Variants in ZER1 observed in about 807,000 individuals in gnomAD.
The protein encoded by ZER1 is zyg-11 related cell cycle regulator, also known as protein zer-1 homolog.
In ZER1, 11 loss-of-function variants were observed where a neutral mutation model predicts 78.8. The observed-to-expected ratio is 0.14, with a 90% CI of 0.09 to 0.23. The LOEUF is 0.23. ZER1 is among the 10% of genes least tolerant of loss of function. The pLI, the probability that ZER1 is intolerant of heterozygous loss-of-function variation, is 1.00. For synonymous variants in ZER1, 400 were observed against 407.0 expected (o/e 0.98, Z 0.21); for missense variants, 588 against 996.9 (o/e 0.59, Z 5.52).
chr9:128,743,207 T>C (rs555272606), intron 8 of ZER1, among the ~76,000 whole-genome samples: 1 of 151,806 alleles, frequency 6.6e-6, no homozygotes, highest in Non-Finnish European at 1.5e-5. Context: ...AACCTTCACC[T>C]CCCTGGTTCA....
intron 1 of ZER1, among the ~76,000 whole-genome samples, chr9:128,757,066 G>T (rs1330854449): frequency 6.6e-6 from 1 of 152,164 alleles, no homozygotes; most frequent in Non-Finnish European, 1.5e-5. Flanking sequence ...AAATTAATTT[G>T]AGATAGATGA....
chr9:128,743,431 A>T (rs532598186), intron 8 of ZER1, among the ~76,000 whole-genome samples: 4 of 150,876 alleles, frequency 2.7e-5, no homozygotes, highest in East Asian at 3.9e-4. Flanking sequence ...TTATTTATTT[A>T]TTTTTTTTGA....
chr9:128,750,592 G>T, intron 8 of ZER1, 24 bp downstream of exon 8: 1 of 1,610,236 alleles, frequency 6.2e-7, no homozygotes, highest in Non-Finnish European at 8.5e-7. Context: ...AGAGCATGCG[G>T]GGCCGTGGCG....
intron 1 of ZER1, among the ~76,000 whole-genome samples, chr9:128,771,116 G>C (rs530183437): frequency 7.2e-5 from 11 of 152,220 alleles, no homozygotes; most frequent in Non-Finnish European, 1.6e-4. Flanking sequence ...TCCACCCAGA[G>C]AGCTATAGTG....
chr9:128,735,377 C>T lies in ZER1; in HGVS notation c.2097G>A (p.Gln699=), dbSNP rs568304181. 1.9e-6 allele frequency: 3 copies of T among 1,614,114 alleles called. No individual in the cohort carries two copies. In the African/African-American group the frequency reaches 4.0e-5, roughly 22 times the overall value. ...TATACAGGGCCCAGGTTGCCCAGTG[C>T]TGGCTGACAGGAGAGATTCCCTGGG... is the stretch of plus-strand genomic sequence containing the variant. The part of the protein sequence containing the change: ...LLPQGISPVS[Q]HWATWALYNL... Residue 699 remains glutamine, a synonymous_variant, in exon 14 of 16, where the codon CAG becomes CAA. Coordinates refer to ENST00000291900, the MANE Select transcript of ZER1 (RefSeq NM_006336.4).
In ZER1 at chr9:128,751,090, C is replaced by T. The variant is rs1863661162; in HGVS notation, c.1185+32G>A. The stretch of plus-strand genomic sequence containing the variant: ...CCGGCAACCTCCAGGTGGGGAGGGA[C>T]AGGAGGCCAAGGCCCCAGGCTTGGA... On this transcript the variant is annotated intron_variant, in intron 7 of 15. Coordinates refer to ENST00000291900, the MANE Select transcript of ZER1 (RefSeq NM_006336.4). The surrounding 1 kb of genome is among the most constrained non-coding windows in gnomAD (Gnocchi z 5.4). 1.3e-6 allele frequency: 2 copies of T among 1,559,938 alleles called. No individual in the cohort carries two copies. Among genetic ancestry groups the T allele is most frequent in the South Asian group, 1.2e-5 (1 of 84,366 alleles).
intron 8 of ZER1, among the ~76,000 whole-genome samples, chr9:128,750,347 G>A (rs1863633248): frequency 6.6e-6 from 1 of 152,204 alleles, no homozygotes; most frequent in South Asian, 2.1e-4. Context: ...CAGAGTGTAT[G>A]GGCAGAAGGG....
In ZER1 at chr9:128,766,222, G is replaced by A. The variant is rs373238227; in HGVS notation, c.-95+5359C>T. ...AAATTAGCAGGGCGTGGTGGCGGGC[G>A]CCTATAGTCCCAGCTACTCAGGAGG... On this transcript the variant is annotated intron_variant, in intron 1 of 15. Coordinates refer to ENST00000291900, the MANE Select transcript of ZER1 (RefSeq NM_006336.4). Among the ~76,000 whole-genome samples the A allele has an allele frequency of 9.5e-4, 145 of 151,938 alleles. 5 individuals carry two copies. The East Asian group carries it at 0.021, about 22-fold the overall frequency.
chr9:128,770,392 A>C (rs373253030), intron 1 of ZER1, among the ~76,000 whole-genome samples: 20 of 152,092 alleles, frequency 1.3e-4, no homozygotes, highest in East Asian at 9.6e-4. Context: ...AGCCTCCCAA[A>C]GTGCTGGGAT....
intron 9 of ZER1, 65 bp downstream of exon 9, chr9:128,742,465 A>G: frequency 6.3e-7 from 1 of 1,577,958 alleles, no homozygotes; most frequent in Non-Finnish European, 8.7e-7. Flanking sequence ...ACTCTCGCTC[A>G]GGGTAGAGGG....
At chr9:128,731,949 T>C (rs1487121688) in intron 15 of ZER1, among the ~76,000 whole-genome samples, 1 of 152,218 alleles carries the variant, frequency 6.6e-6, no homozygotes, top group Non-Finnish European at 1.5e-5. Context: ...CGCCCCAGCC[T>C]GACCCCTGCC....
chr9:128,763,614 CAGG>C (rs1338281729), intron 1 of ZER1, among the ~76,000 whole-genome samples: 4 of 152,344 alleles, frequency 2.6e-5, no homozygotes, highest in Admixed American at 2.6e-4. Flanking sequence ...CAGTGTCTTG[CAGG>C]AGAAGGGGCC....
At chr9:128,745,206 T>G (rs373610409) in intron 8 of ZER1, among the ~76,000 whole-genome samples, 9 of 150,332 alleles carry the variant, frequency 6.0e-5, no homozygotes, top group Admixed American at 2.0e-4. Flanking sequence ...TGGGTTTTTT[T>G]TTTTTTTTTT....
intron 8 of ZER1, among the ~76,000 whole-genome samples, chr9:128,743,933 C>CT: frequency 8.8e-6 from 1 of 113,700 alleles, no homozygotes; most frequent in East Asian, 2.8e-4. Context: ...GAGTCTCACT[C>CT]TGTCGCCCAG....
At chr9:128,764,766 C>G (rs1864154504) in intron 1 of ZER1, among the ~76,000 whole-genome samples, 1 of 152,216 alleles carries the variant, frequency 6.6e-6, no homozygotes, top group African/African-American at 2.4e-5. Flanking sequence ...ATTCTCAGGG[C>G]AGTCACAGGC....
intron 8 of ZER1, chr9:128,746,274 G>C (rs575231991): frequency 1.3e-5 from 2 of 152,136 alleles, no homozygotes; most frequent in Admixed American, 6.6e-5. Flanking sequence ...CACAAAGGTT[G>C]CACGATTCAT....
chr9:128,749,470 A>G (rs1210708186), intron 8 of ZER1, among the ~76,000 whole-genome samples: 1 of 152,014 alleles, frequency 6.6e-6, no homozygotes, highest in African/African-American at 2.4e-5. Flanking sequence ...AATGAAAAAA[A>G]GTTTTTGTTA....
Position 128,742,721 on chromosome 9 carries a change from G to A in ZER1, c.1384C>T (p.Leu462Phe), listed in dbSNP as rs1243336896. The A allele has an allele frequency of 6.2e-7, 1 of 1,612,384 alleles. No homozygotes were observed. The highest frequency in any genetic ancestry group is 2.2e-5 in the East Asian group (1 of 44,810). ...VTVQRNCCLT[L>F]CNFSIPEELE... Reference sequence around the variant, plus strand: ...TCCTCGGGGATGCTGAAGTTGCAGAGCGTCAGGCAGCAGTTCCGCTGCACC... The same window carrying A: ...TCCTCGGGGATGCTGAAGTTGCAGAACGTCAGGCAGCAGTTCCGCTGCACC... Residue 462 changes from leucine to phenylalanine, a missense_variant, in exon 9 of 16, where the codon CTC becomes TTC. Leu to Phe is a conservative substitution (Grantham distance 22). Transcript: ENST00000291900.
At chr9:128,766,506 G>T (rs886503694) in intron 1 of ZER1, among the ~76,000 whole-genome samples, 32 of 152,286 alleles carry the variant, frequency 2.1e-4, no homozygotes, top group Admixed American at 1.8e-3. Flanking sequence ...AGAGACTATG[G>T]ATCTGAACAG....
Sources: gnomAD v4.1 joint callset for allele counts (sites outside exome capture counted in the v4.1 genomes callset) on GRCh38, gnomAD v4.1.1 for gene constraint, Gnocchi (gnomAD v3.1) non-coding constraint, MANE v1.5 for transcripts, NCBI Gene and HGNC (gene_info 2026-07-23, HGNC 2026-07-21) for gene names.